The following SNCAIP variants were observed in gnomAD, a reference collection of about 807,000 sequenced individuals.
SNCAIP encodes the protein synuclein alpha interacting protein, also known as synphilin-1.
SNCAIP carries 43 observed loss-of-function variants against 86.7 expected under a neutral mutation model. The observed-to-expected ratio is 0.50, with a 90% CI of 0.39 to 0.64. The LOEUF is 0.64. Among genes scored for constraint, SNCAIP ranks in the 30% least tolerant of loss-of-function variants. The pLI is 0.00. For missense variants in SNCAIP, 981 were observed against 1,103.1 expected, an observed-to-expected ratio of 0.89 and a Z score of 1.57; for synonymous variants, 417 against 427.2, an observed-to-expected ratio of 0.98 and a Z score of 0.29.
intron 1 of SNCAIP, among the ~76,000 whole-genome samples, chr5:122,365,925 G>A (rs1329709149): frequency 6.6e-6 from 1 of 152,070 alleles, no homozygotes; most frequent in Non-Finnish European, 1.5e-5. Flanking sequence ...GGAAGAGGCA[G>A]GTAGACAACC....
chr5:122,427,495 A>G (rs1008955148), intron 5 of SNCAIP, among the ~76,000 whole-genome samples: 1 of 151,992 alleles, frequency 6.6e-6, no homozygotes, highest in African/African-American at 2.4e-5. Flanking sequence ...TGAATGTTCT[A>G]TTCCTTTATT....
At chr5:122,363,697 C>A (rs1161872993) in intron 1 of SNCAIP, among the ~76,000 whole-genome samples, 2 of 149,310 alleles carry the variant, frequency 1.3e-5, no homozygotes, top group African/African-American at 4.9e-5. Flanking sequence ...AAAAAAAAAC[C>A]CCCTCTTGGT....
chr5:122,439,949 A>G (rs1364792232), intron 6 of SNCAIP, among the ~76,000 whole-genome samples: 1 of 152,214 alleles, frequency 6.6e-6, no homozygotes, highest in African/African-American at 2.4e-5. Flanking sequence ...TTGCTTTTGA[A>G]AGGTTTGCGT....
chr5:122,323,132 C>A (rs1207248230), intron 1 of SNCAIP, among the ~76,000 whole-genome samples: 1 of 152,096 alleles, frequency 6.6e-6, no homozygotes, highest in Admixed American at 6.5e-5. Flanking sequence ...CTCCAAGGCC[C>A]ATGAACTCGG....
rs1786955936 is a variant in SNCAIP, at chr5:122,463,416, G to A, written c.2755-75G>A. 3.6e-6 allele frequency: 3 copies of A among 840,530 alleles called. No homozygotes were observed. The South Asian group carries it at 4.1e-5, about 12-fold the overall frequency. 52.1% of individuals were successfully genotyped at this position (840,530 alleles called of 1,614,324 possible). On this transcript the variant is annotated intron_variant, in intron 10 of 10. Coordinates refer to ENST00000261368, the MANE Select transcript of SNCAIP (RefSeq NM_005460.4). ...GAGGATAATTTCCATTTTTTGGTGA[G>A]CTGTTTAGTGGTATTGTCTTGTAAC...
chr5:122,438,364 TG>T (rs1472057284), intron 6 of SNCAIP, among the ~76,000 whole-genome samples: 2 of 152,192 alleles, frequency 1.3e-5, no homozygotes, highest in East Asian at 3.9e-4. Context: ...CATGAGTGAA[TG>T]TGTGTGGGTG....
chr5:122,381,793 A>G (rs1286167685), intron 1 of SNCAIP, among the ~76,000 whole-genome samples: 3 of 151,238 alleles, frequency 2.0e-5, no homozygotes, highest in South Asian at 2.1e-4. Context: ...TTTCTCCTTC[A>G]CTTATGAAGC....
rs189505224 is a variant in SNCAIP, at chr5:122,401,053, T to C, written c.58-2740T>C. On this transcript the variant is annotated intron_variant, in intron 2 of 10. Transcript: ENST00000261368. ...GAGGACACAGACAGGGAAGATGCAA[T>C]GGGCTTTGGTTCCCATAGGGCCAAA... The C allele has an allele frequency of 1.0e-4, 160 of 1,550,202 alleles. No homozygotes were observed. The African/African-American group carries it at 1.9e-3, about 18-fold the overall frequency.
At chr5:122,436,490 C>G (rs755198644) in intron 6 of SNCAIP, 2 of 152,116 alleles carry the variant, frequency 1.3e-5, no homozygotes, top group South Asian at 2.1e-4. Context: ...AGGCCATAAC[C>G]TATTTAATCA....
chr5:122,411,630 A>T (rs983221505), intron 3 of SNCAIP, among the ~76,000 whole-genome samples: 11 of 152,192 alleles, frequency 7.2e-5, no homozygotes, highest in Admixed American at 5.9e-4. Flanking sequence ...TCATAGTTGA[A>T]GGGTCCTCTT....
chr5:122,343,376 A>C (rs951767410), intron 1 of SNCAIP, among the ~76,000 whole-genome samples: 1 of 152,124 alleles, frequency 6.6e-6, no homozygotes, highest in Non-Finnish European at 1.5e-5. Flanking sequence ...CTCATTTTGA[A>C]AATTTTAATA....
At chr5:122,324,112 C>A (rs771409945) in intron 1 of SNCAIP, among the ~76,000 whole-genome samples, 1 of 152,120 alleles carries the variant, frequency 6.6e-6, no homozygotes, top group South Asian at 2.1e-4. Flanking sequence ...GGAAAAATTT[C>A]TATTTGATCT....
chr5:122,317,043 C>T (rs1215916184), intron 1 of SNCAIP, among the ~76,000 whole-genome samples: 1 of 152,116 alleles, frequency 6.6e-6, no homozygotes, highest in East Asian at 1.9e-4. Context: ...GCCATTATCT[C>T]GTGCAGTAAC....
intron 3 of SNCAIP, among the ~76,000 whole-genome samples, chr5:122,408,096 A>G (rs966910715): frequency 7.9e-5 from 12 of 152,132 alleles, no homozygotes; most frequent in African/African-American, 2.9e-4. Context: ...CTCAGTGCTG[A>G]GTGTGTGCTG....
chr5:122,373,186 G>T (rs1362320674), intron 1 of SNCAIP, among the ~76,000 whole-genome samples: 1 of 152,094 alleles, frequency 6.6e-6, no homozygotes, highest in African/African-American at 2.4e-5. Context: ...ATAGGAAATT[G>T]TATTACAGTA....
In SNCAIP at chr5:122,449,949, A is replaced by G. The variant is rs2152998662; in HGVS notation, c.1685+12A>G. The G allele has an allele frequency of 1.3e-6, 2 of 1,566,982 alleles. No homozygotes were observed. Among genetic ancestry groups the G allele is most frequent in the East Asian group, 2.2e-5 (1 of 44,568 alleles). On this transcript the variant is annotated intron_variant, in intron 9 of 10. Coordinates refer to ENST00000261368, the MANE Select transcript of SNCAIP (RefSeq NM_005460.4). ...CCTTCTTCACCCAGGTAATACCAGCACATTGTTGTTTAGCATTCTTAAGTA... is the reference window on the plus strand; with the variant it reads ...CCTTCTTCACCCAGGTAATACCAGCGCATTGTTGTTTAGCATTCTTAAGTA...
chr5:122,383,219 C>T lies in SNCAIP; in HGVS notation c.-46-7870C>T, dbSNP rs539130279. 4.2e-3 allele frequency among the ~76,000 whole-genome samples: 647 copies of T among 152,354 alleles called. 4 individuals carry two copies. Among genetic ancestry groups the T allele is most frequent in the African/African-American group, 0.014 (594 of 41,574 alleles). On this transcript the variant is annotated intron_variant, in intron 1 of 10. Transcript: ENST00000261368. ...CTCCGTGGGCGTAGGACCCTCCGAG[C>T]CAGGTGCGGGATATAATCTCGTGAT... is the stretch of plus-strand genomic sequence containing the variant.
chr5:122,365,448 G>A (rs1004236033), intron 1 of SNCAIP, among the ~76,000 whole-genome samples: 3 of 152,182 alleles, frequency 2.0e-5, no homozygotes, highest in African/African-American at 4.8e-5. Flanking sequence ...GGAGGCCGAG[G>A]CAGGTGGATC....
rs1341126750 is a variant in SNCAIP, at chr5:122,450,603, A to C, written c.1756A>C (p.Lys586Gln). Residue 586 changes from lysine to glutamine, a missense_variant, in exon 10 of 11, where the codon AAA (lysine) becomes CAA (glutamine). Coordinates refer to ENST00000261368, the MANE Select transcript of SNCAIP (RefSeq NM_005460.4). ...SPDADDDSVA[K>Q]SKPGVQEGIQ... ...AGATGCAGATGATGATTCTGTAGCC[A>C]AAAGCAAGCCAGGAGTCCAAGAGGG... 6.2e-7 allele frequency: 1 copy of C among 1,614,142 alleles called. No individual in the cohort carries two copies.
Sources: allele counts gnomAD v4.1 joint callset (sites outside exome capture counted in the v4.1 genomes callset), GRCh38; gene constraint gnomAD v4.1.1; transcripts MANE v1.5; gene names NCBI Gene and HGNC (gene_info 2026-07-23, HGNC 2026-07-21).